RPS6KC1: variants seen among roughly 807,000 people sequenced by gnomAD.
RPS6KC1 encodes the protein inactive ribosomal protein S6 kinase delta-1.
In RPS6KC1, 54 loss-of-function variants were observed where a neutral mutation model predicts 103.8. The observed-to-expected ratio is 0.52, with a 90% CI of 0.42 to 0.65. The LOEUF (loss-of-function observed/expected upper bound fraction) is 0.65, where lower values mean the gene tolerates loss of function less well. Ranked by LOEUF, RPS6KC1 falls within the 30% of genes least tolerant of loss-of-function variation. The probability of loss-of-function intolerance (pLI) is 0.00; values close to 1 mark genes in which losing one functional copy is unlikely to be tolerated. For synonymous variants in RPS6KC1, 439 were observed against 438.7 expected (o/e 1.00, Z -0.01); for missense variants, 1,151 against 1,253.8 (o/e 0.92, Z 1.24).
At chr1:213,703,388 C>A in the RPS6KC1 span, among the ~76,000 whole-genome samples, 1 of 152,136 alleles carries the variant, frequency 6.6e-6, no homozygotes, top group African/African-American at 2.4e-5. Context: ...CATTTACACA[C>A]CACAGTTACA....
intron 6 of RPS6KC1, among the ~76,000 whole-genome samples, chr1:213,153,431 A>G (rs1445116978): frequency 6.6e-6 from 1 of 152,190 alleles, no homozygotes; most frequent in Non-Finnish European, 1.5e-5. Flanking sequence ...TAACAACTTA[A>G]CACTTGTATA....
chr1:213,601,193 G>T, the RPS6KC1 span, among the ~76,000 whole-genome samples: 1 of 151,756 alleles, frequency 6.6e-6, no homozygotes, highest in African/African-American at 2.4e-5. Context: ...TTGAGGCAGT[G>T]GTTCATATTT....
the RPS6KC1 span, among the ~76,000 whole-genome samples, chr1:213,701,040 C>T: frequency 6.6e-6 from 1 of 151,914 alleles, no homozygotes; most frequent in Non-Finnish European, 1.5e-5. Context: ...CTGGGATGCC[C>T]CTTATTTCAT....
the RPS6KC1 span, among the ~76,000 whole-genome samples, chr1:213,296,262 T>G: frequency 1.7e-3 from 266 of 152,346 alleles, 1 homozygote; most frequent in African/African-American, 6.2e-3. Flanking sequence ...CGATTGGCCC[T>G]CAGAATCTCG....
the RPS6KC1 span, among the ~76,000 whole-genome samples, chr1:213,671,012 G>A: frequency 6.6e-6 from 1 of 152,180 alleles, no homozygotes. Context: ...CTGTGATCAG[G>A]AAGGAGCCAT....
chr1:213,506,676 G>A, the RPS6KC1 span, among the ~76,000 whole-genome samples: 52 of 152,294 alleles, frequency 3.4e-4, no homozygotes, highest in African/African-American at 1.3e-3. Context: ...CAGAGATGGA[G>A]GGAGATCTGA....
chr1:213,471,181 G>A, the RPS6KC1 span, among the ~76,000 whole-genome samples: 1 of 152,136 alleles, frequency 6.6e-6, no homozygotes, highest in African/African-American at 2.4e-5. Flanking sequence ...TTGGAGCCCT[G>A]TTAAGTGGGC....
chr1:213,595,025 G>A, the RPS6KC1 span, among the ~76,000 whole-genome samples: 30 of 152,218 alleles, frequency 2.0e-4, no homozygotes, highest in African/African-American at 9.6e-5. Flanking sequence ...GAAGAGTGCC[G>A]TTCCAGAACA....
chr1:213,525,943 T>G, the RPS6KC1 span, among the ~76,000 whole-genome samples: 1 of 152,036 alleles, frequency 6.6e-6, no homozygotes, highest in Non-Finnish European at 1.5e-5. Context: ...TTTAAAGAAT[T>G]GTGCTGCTGA....
At chr1:213,176,757 G>C (rs544149513) in intron 8 of RPS6KC1, 201 of 251,554 alleles carry the variant, frequency 8.0e-4, no homozygotes, top group Non-Finnish European at 1.2e-3. Flanking sequence ...TTATAGAAGT[G>C]TTATAGCAGA....
At chr1:213,852,537 A>T in the RPS6KC1 span, among the ~76,000 whole-genome samples, 1 of 152,142 alleles carries the variant, frequency 6.6e-6, no homozygotes, top group East Asian at 1.9e-4. Context: ...AGCCTTTTTA[A>T]TCGACAGATC....
the RPS6KC1 span, among the ~76,000 whole-genome samples, chr1:213,648,277 G>T: frequency 6.6e-6 from 1 of 152,088 alleles, no homozygotes; most frequent in Non-Finnish European, 1.5e-5. Context: ...TGGGAACTAT[G>T]GCTTTAAGCA....
the RPS6KC1 span, among the ~76,000 whole-genome samples, chr1:213,448,603 G>A: frequency 1.3e-5 from 2 of 151,924 alleles, no homozygotes; most frequent in Non-Finnish European, 2.9e-5. Context: ...TGTGCCACCC[G>A]ACATCCACGC....
chr1:213,622,894 T>C, the RPS6KC1 span, among the ~76,000 whole-genome samples: 2 of 152,168 alleles, frequency 1.3e-5, no homozygotes, highest in Non-Finnish European at 1.5e-5. Context: ...TAGGCAGTGG[T>C]TGTGGCCTAC....
chr1:213,410,850 A>G, the RPS6KC1 span, among the ~76,000 whole-genome samples: 1 of 151,920 alleles, frequency 6.6e-6, no homozygotes, highest in African/African-American at 2.4e-5. Flanking sequence ...AGGGAAATTG[A>G]GGAAAAGAAT....
At chr1:213,296,367 G>C in the RPS6KC1 span, among the ~76,000 whole-genome samples, 1 of 152,296 alleles carries the variant, frequency 6.6e-6, no homozygotes, top group South Asian at 2.1e-4. Flanking sequence ...AAGAACAAAG[G>C]CTTAGGTGGT....
chr1:213,601,743 G>T, the RPS6KC1 span, among the ~76,000 whole-genome samples: 1 of 151,892 alleles, frequency 6.6e-6, no homozygotes, highest in African/African-American at 2.4e-5. Context: ...CTCTCTCTAT[G>T]ATTCTTTGGT....
chr1:213,622,448 T>C, the RPS6KC1 span, among the ~76,000 whole-genome samples: 23 of 152,230 alleles, frequency 1.5e-4, no homozygotes, highest in African/African-American at 5.3e-4. Context: ...TAGGGCATGC[T>C]TAATTCCACA....
chr1:213,569,632 T>G, the RPS6KC1 span, among the ~76,000 whole-genome samples: 1 of 152,212 alleles, frequency 6.6e-6, no homozygotes, highest in Non-Finnish European at 1.5e-5. Flanking sequence ...GTTCAGCATA[T>G]AAATTACTAG....
Sources: gnomAD v4.1 joint callset for allele counts (sites outside exome capture counted in the v4.1 genomes callset) on GRCh38, gnomAD v4.1.1 for gene constraint, MANE v1.5 for transcripts, NCBI Gene and HGNC (gene_info 2026-07-23, HGNC 2026-07-21) for gene names.